ZNG1C: variants seen among roughly 807,000 people sequenced by gnomAD.
ZNG1C encodes zinc-regulated GTPase metalloprotein activator 1C.
chr9:68,298,757 A>C, the ZNG1C span: 1 of 812,914 alleles, frequency 1.2e-6, no homozygotes, highest in South Asian at 2.1e-5. Context: ...AAAAAAAATC[A>C]ATACACAGAA....
At chr9:68,281,149 AC>A in the ZNG1C span, among the ~76,000 whole-genome samples, 1 of 149,662 alleles carries the variant, frequency 6.7e-6, no homozygotes. Context: ...GAACTCCCTG[AC>A]CCCCTGTGCT....
the ZNG1C span, among the ~76,000 whole-genome samples, chr9:68,282,569 G>A: frequency 1.4e-5 from 1 of 73,634 alleles, no homozygotes; most frequent in Non-Finnish European, 3.2e-5. Flanking sequence ...TTTACTTTAT[G>A]AATTGGAAAA....
the ZNG1C span, among the ~76,000 whole-genome samples, chr9:68,271,835 G>C: frequency 0.083 from 11,668 of 140,230 alleles, 7 homozygotes; most frequent in Middle Eastern, 0.14. Flanking sequence ...TTGGGAGGTA[G>C]ATTCAATGTG....
chr9:68,294,150 C>G, the ZNG1C span, among the ~76,000 whole-genome samples: 3 of 147,952 alleles, frequency 2.0e-5, no homozygotes, highest in Non-Finnish European at 3.0e-5. Context: ...GTGACACAAC[C>G]TATCAACCTC....
the ZNG1C span, chr9:68,269,151 T>G: frequency 1.2e-6 from 1 of 819,104 alleles, no homozygotes. Flanking sequence ...GTTTGGCATA[T>G]TTGACTAGTA....
At chr9:68,248,784 A>G in the ZNG1C span, 1 of 326,838 alleles carries the variant, frequency 3.1e-6, no homozygotes, top group East Asian at 3.6e-5. Flanking sequence ...TTAACTGTAA[A>G]TTATGTTTTG....
At chr9:68,271,867 G>A in the ZNG1C span, among the ~76,000 whole-genome samples, 9,256 of 150,972 alleles carry the variant, frequency 0.061, 9 homozygotes, top group Non-Finnish European at 0.08. Flanking sequence ...CGAGGTATAG[G>A]AAATACAGGA....
the ZNG1C span, among the ~76,000 whole-genome samples, chr9:68,276,085 G>C: frequency 1.3e-5 from 2 of 151,678 alleles, no homozygotes; most frequent in African/African-American, 4.8e-5. Flanking sequence ...CGTGTTTTTT[G>C]GTGGCATAAA....
At chr9:68,264,821 T>TTTTATATATATATATA in the ZNG1C span, among the ~76,000 whole-genome samples, 13 of 24,914 alleles carry the variant, frequency 5.2e-4, no homozygotes, top group South Asian at 2.1e-3. Flanking sequence ...GGATTGAAGA[T>TTTTATATATATATATA]TATATATATA....
At chr9:68,251,030 G>A in the ZNG1C span, 1 of 350,228 alleles carries the variant, frequency 2.9e-6, no homozygotes, top group Non-Finnish European at 5.5e-6. Flanking sequence ...AGTGAGTCAT[G>A]ATTGCACCAC....
At chr9:68,256,738 A>T in the ZNG1C span, among the ~76,000 whole-genome samples, 2 of 125,366 alleles carry the variant, frequency 1.6e-5, no homozygotes, top group Admixed American at 8.8e-5. Context: ...TATAAATAGT[A>T]AAAGGTTCTA....
the ZNG1C span, chr9:68,299,187 C>A: frequency 2.0e-6 from 3 of 1,485,202 alleles, no homozygotes; most frequent in African/African-American, 2.8e-5. Context: ...CCATTCAGGT[C>A]CTCTTTTAAA....
the ZNG1C span, among the ~76,000 whole-genome samples, chr9:68,266,530 T>C: frequency 3.1e-4 from 45 of 146,660 alleles, no homozygotes; most frequent in Non-Finnish European, 5.5e-4. Context: ...AATAGACTGA[T>C]ATTCAGGGTC....
At chr9:68,292,166 G>A in the ZNG1C span, among the ~76,000 whole-genome samples, 10 of 151,446 alleles carry the variant, frequency 6.6e-5, no homozygotes, top group Non-Finnish European at 8.9e-5. Context: ...CCCGTAGGAC[G>A]AAAGAATCTG....
At chr9:68,265,073 G>T in the ZNG1C span, among the ~76,000 whole-genome samples, 1 of 125,060 alleles carries the variant, frequency 8.0e-6, no homozygotes, top group South Asian at 2.6e-4. Flanking sequence ...TTTTATTTTA[G>T]TAGAGATGGG....
chr9:68,269,869 G>C, the ZNG1C span: 1 of 26,294 alleles, frequency 3.8e-5, no homozygotes, highest in Non-Finnish European at 4.4e-5. Flanking sequence ...TCATCTGCTG[G>C]CAGAGGTAGC....
At chr9:68,272,753 A>G in the ZNG1C span, 1 of 11,180 alleles carries the variant, frequency 8.9e-5, no homozygotes, top group East Asian at 6.6e-4. Flanking sequence ...GAATCTGAGT[A>G]TAAAGCAGAA....
chr9:68,275,334 A>T, the ZNG1C span, among the ~76,000 whole-genome samples: 2 of 143,202 alleles, frequency 1.4e-5, no homozygotes, highest in Non-Finnish European at 1.5e-5. Flanking sequence ...TAATTTATTT[A>T]TTTATTATTA....
the ZNG1C span, chr9:68,274,085 G>C: frequency 1.4e-5 from 2 of 148,122 alleles, no homozygotes; most frequent in African/African-American, 5.0e-5. Context: ...CTTGTGATCC[G>C]CCCGCCTCGG....
Sources: allele counts gnomAD v4.1 joint callset (sites outside exome capture counted in the v4.1 genomes callset), GRCh38; gene constraint gnomAD v4.1.1; transcripts MANE v1.5; gene names NCBI Gene and HGNC (gene_info 2026-07-23, HGNC 2026-07-21).